Variants in FANCM observed in about 807,000 individuals in gnomAD.
FANCM encodes the protein Fanconi anemia group M protein.
In FANCM, 140 loss-of-function variants were observed where a neutral mutation model predicts 199.5. That is an observed-to-expected ratio of 0.70 (90% confidence interval 0.61 to 0.81). FANCM has a LOEUF of 0.81. FANCM is among the 30% of genes least tolerant of loss of function. The probability of loss-of-function intolerance (pLI) is 0.00; values close to 1 mark genes in which losing one functional copy is unlikely to be tolerated. For missense variants in FANCM, 2,410 were observed against 2,421.4 expected (o/e 1.00, Z 0.10); for synonymous variants, 840 against 836.8 (o/e 1.00, Z -0.07).
intron 3 of FANCM, among the ~76,000 whole-genome samples, chr14:45,147,258 GC>G (rs933435029): frequency 6.0e-5 from 9 of 149,932 alleles, no homozygotes; most frequent in African/African-American, 2.2e-4. Flanking sequence ...GCTGTTCCCC[GC>G]CCCCCCCAAA....
At chr14:45,141,242 C>G (rs1594755763) in intron 3 of FANCM, among the ~76,000 whole-genome samples, 1 of 139,514 alleles carries the variant, frequency 7.2e-6, no homozygotes, top group Admixed American at 7.5e-5. Flanking sequence ...GAGCCAAGAT[C>G]TAGCCACTGC....
rs536598327 is a variant in FANCM at position 45,178,368 on chromosome 14, G to T, written c.4222+1392G>T. ...CGTTAATGAGTGAGATAATTTTTCTGGTTTTGCGTCAGATTTGCACAAAAA... is the reference window on the plus strand; with the variant it reads ...CGTTAATGAGTGAGATAATTTTTCTTGTTTTGCGTCAGATTTGCACAAAAA... On this transcript the variant is annotated intron_variant, in intron 14 of 22. Transcript: ENST00000267430. Among the ~76,000 whole-genome samples the T allele has an allele frequency of 1.4e-4, 21 of 152,140 alleles. No individual in the cohort carries two copies. In the South Asian group the frequency reaches 4.4e-3, roughly 32 times the overall value.
At chr14:45,156,099 G>A (rs1887169616) in intron 8 of FANCM, among the ~76,000 whole-genome samples, 1 of 152,132 alleles carries the variant, frequency 6.6e-6, no homozygotes, top group Admixed American at 6.6e-5. Flanking sequence ...TATATAGCAT[G>A]GTTATAGAAG....
At chr14:45,144,888 T>C (rs1463036892) in intron 3 of FANCM, among the ~76,000 whole-genome samples, 1 of 152,028 alleles carries the variant, frequency 6.6e-6, no homozygotes, top group African/African-American at 2.4e-5. Flanking sequence ...ACTTCTGCTT[T>C]TCTCAAGCAG....
At chr14:45,164,963 A>C (rs768076045) in intron 10 of FANCM, among the ~76,000 whole-genome samples, 1 of 151,712 alleles carries the variant, frequency 6.6e-6, no homozygotes, top group Non-Finnish European at 1.5e-5. Context: ...TAACTGACTA[A>C]ATAAGAAACA....
intron 10 of FANCM, among the ~76,000 whole-genome samples, chr14:45,165,967 T>C (rs904444125): frequency 6.6e-6 from 1 of 152,074 alleles, no homozygotes; most frequent in African/African-American, 2.4e-5. Context: ...ACGAACAAAC[T>C]GAAATAAGGG....
chr14:45,199,038 T>TA (rs1161340183), intron 22 of FANCM, 103 bp downstream of exon 22: 3 of 833,492 alleles, frequency 3.6e-6, no homozygotes, highest in Admixed American at 2.5e-5. Flanking sequence ...TCATGCCTGT[T>TA]AGATTATTTT....
rs192692294 is a variant in FANCM, at chr14:45,136,618, G to A, written c.508+79G>A. On this transcript the variant is annotated intron_variant, in intron 1 of 22. Coordinates refer to ENST00000267430, the MANE Select transcript of FANCM (RefSeq NM_020937.4). ...TGGAATAGTTCCCAAGCTACAACAT[G>A]TGCATCTTACGCCCTCCCTCTTAAA... 2.6e-5 allele frequency: 36 copies of A among 1,368,652 alleles called. No individual in the cohort carries two copies. The African/African-American group carries it at 5.2e-4, about 20-fold the overall frequency. The allele number at this position is 1,368,652 out of a possible 1,614,324, so 84.8% of individuals were successfully genotyped here.
At chr14:45,142,239 G>A (rs1270146904) in intron 3 of FANCM, among the ~76,000 whole-genome samples, 1 of 151,608 alleles carries the variant, frequency 6.6e-6, no homozygotes, top group Non-Finnish European at 1.5e-5. Context: ...CCAGGGTTCA[G>A]TCTGTGATCT....
rs117645091 is a variant in FANCM, at chr14:45,161,153, C to T, written c.1581+1873C>T. 5.7e-4 allele frequency among the ~76,000 whole-genome samples: 86 copies of T among 152,132 alleles called. No homozygotes were observed. The East Asian group carries it at 0.01, about 18-fold the overall frequency. On this transcript the variant is annotated intron_variant, in intron 9 of 22. Coordinates refer to ENST00000267430, the MANE Select transcript of FANCM (RefSeq NM_020937.4). ...ATTATTTCCTGAGCTTGTCAGGCAC[C>T]GTAAGAACATTATTGATTTTACTGA...
At position 45,175,983 on chromosome 14, in the gene FANCM, G is replaced by T; in HGVS notation, c.3229G>T (p.Glu1077Ter). ...TATACCTAATGATAATATTTCTGAT[G>T]AGCCAAGTCTCTGTGACTGTGATGT... Reference protein sequence around the residue: ...YDIPNDNISDEPSLCDCDVHK... With the variant: ...YDIPNDNISD Residue 1077 changes from glutamate (E) to a stop codon, truncating the protein, a stop_gained, in exon 14 of 23, where the codon GAG becomes TAG. Transcript: ENST00000267430. LOFTEE classifies it high-confidence loss of function. The T allele has an allele frequency of 6.2e-7, 1 of 1,613,598 alleles. No homozygotes were observed. The highest frequency in any genetic ancestry group is 1.1e-5 in the South Asian group (1 of 91,046).
chr14:45,194,388 A>G (rs1889945552), intron 20 of FANCM, among the ~76,000 whole-genome samples: 1 of 152,008 alleles, frequency 6.6e-6, no homozygotes, highest in African/African-American at 2.4e-5. Flanking sequence ...CAAAGGTAAT[A>G]ATTAAAAATA....
At chr14:45,144,833 A>C (rs1886249436) in intron 3 of FANCM, among the ~76,000 whole-genome samples, 1 of 151,994 alleles carries the variant, frequency 6.6e-6, no homozygotes, top group Admixed American at 6.5e-5. Flanking sequence ...GCCCTTCCCC[A>C]CTGTGGCTGA....
At position 45,196,352 on chromosome 14, in the gene FANCM, C is replaced by A; in HGVS notation, c.5521C>A (p.His1841Asn). The stretch of plus-strand genomic sequence containing the variant: ...AGTAATTTCTTCCCTAAGAGCAATT[C>A]ATGGGTTGCAAGTAGAAGTTTGTCC... ...LEVISSLRAI[H>N]GLQVEVCPLN... is the part of the protein sequence containing the mutation. Residue 1841 changes from histidine to asparagine, a missense_variant, in exon 21 of 23, where the codon CAT becomes AAT. Coordinates refer to ENST00000267430, the MANE Select transcript of FANCM (RefSeq NM_020937.4). The A allele has an allele frequency of 6.2e-7, 1 of 1,613,994 alleles. No homozygotes were observed. The highest frequency in any genetic ancestry group is 8.5e-7 in the Non-Finnish European group (1 of 1,179,912).
intron 9 of FANCM, among the ~76,000 whole-genome samples, chr14:45,162,501 T>G (rs919863818): frequency 1.3e-5 from 2 of 152,230 alleles, no homozygotes; most frequent in Non-Finnish European, 2.9e-5. Flanking sequence ...TTTAAAATAT[T>G]ACTAGAGTCA....
At chr14:45,173,950 G>A (rs1386148118) in intron 13 of FANCM, among the ~76,000 whole-genome samples, 1 of 152,166 alleles carries the variant, frequency 6.6e-6, no homozygotes, top group East Asian at 1.9e-4. Context: ...TATTTATTGA[G>A]TGCCTTCTGT....
intron 8 of FANCM, 148 bp from the exon 9 acceptor site, chr14:45,158,948 A>G: frequency 1.7e-6 from 1 of 581,696 alleles, no homozygotes; most frequent in Non-Finnish European, 2.9e-6. Flanking sequence ...CTGGGACTAT[A>G]GGTGTGTGCC....
chr14:45,141,308 A>AT (rs1885920142), intron 3 of FANCM, among the ~76,000 whole-genome samples: 1 of 150,164 alleles, frequency 6.7e-6, no homozygotes, highest in Admixed American at 6.6e-5. Context: ...AAAAAAAAAA[A>AT]GAAAGCAAAA....
Position 45,175,781 on chromosome 14 carries a change from T to C in FANCM, c.3027T>C (p.Tyr1009=). 1.2e-6 allele frequency: 2 copies of C among 1,613,778 alleles called. No individual in the cohort carries two copies. The highest frequency in any genetic ancestry group is 1.1e-5 in the South Asian group (1 of 91,078). The change falls in exon 14 of 23, where the codon TAT becomes TAC. Residue 1009 remains tyrosine, a synonymous_variant. Transcript: ENST00000267430. Reference sequence around the variant, plus strand: ...TCAGTGGACTCTCAGACTTGGAATATGAAATTGCTAAGGGTACTGCACTTG... The same window carrying C: ...TCAGTGGACTCTCAGACTTGGAATACGAAATTGCTAAGGGTACTGCACTTG... ...PPLSGLSDLE[Y]EIAKGTALEN...
Sources: gnomAD v4.1 joint callset for allele counts (sites outside exome capture counted in the v4.1 genomes callset) on GRCh38, gnomAD v4.1.1 for gene constraint, MANE v1.5 for transcripts, NCBI Gene and HGNC (gene_info 2026-07-23, HGNC 2026-07-21) for gene names.